The following MAP2 variants were observed in gnomAD, a reference collection of about 807,000 sequenced individuals.
MAP2 encodes the protein microtubule-associated protein 2.
In MAP2, 14 loss-of-function variants were observed where a neutral mutation model predicts 137.6. The observed-to-expected ratio is 0.10, with a 90% confidence interval of 0.07 to 0.16. The LOEUF (loss-of-function observed/expected upper bound fraction) is 0.16, where lower values mean the gene tolerates loss of function less well. MAP2 is among the 10% of genes least tolerant of loss of function. The pLI, the probability that MAP2 is intolerant of heterozygous loss-of-function variation, is 1.00. For missense variants in MAP2, 2,088 were observed against 2,191.5 expected, an observed-to-expected ratio of 0.95 and a Z score of 0.94; for synonymous variants, 786 against 782.3, an observed-to-expected ratio of 1.00 and a Z score of -0.08.
At chr2:209,446,470 A>T (rs2149440723) in intron 1 of MAP2, among the ~76,000 whole-genome samples, 2 of 151,990 alleles carry the variant, frequency 1.3e-5, no homozygotes, top group Non-Finnish European at 1.5e-5. Context: ...ACTGCATTAA[A>T]TTACTTTGGA....
intron 2 of MAP2, among the ~76,000 whole-genome samples, chr2:209,566,499 T>A (rs1403721638): frequency 6.6e-6 from 1 of 152,170 alleles, no homozygotes; most frequent in Non-Finnish European, 1.5e-5. Context: ...AAAATGAAAC[T>A]CTATTTGTTT....
chr2:209,617,791 G>A (rs760529731), intron 3 of MAP2, among the ~76,000 whole-genome samples: 19 of 151,984 alleles, frequency 1.3e-4, no homozygotes, highest in Admixed American at 3.9e-4. Context: ...GGTGGGGGAG[G>A]ATATAATACA....
At chr2:209,574,432 T>TAC (rs57166815) in intron 2 of MAP2, among the ~76,000 whole-genome samples, 2,061 of 148,782 alleles carry the variant, frequency 0.014, 25 homozygotes, top group African/African-American at 0.026. Context: ...ATAGTATAGA[T>TAC]ACACACACAC....
chr2:209,652,494 T>G (rs892798282), intron 4 of MAP2, among the ~76,000 whole-genome samples: 8 of 152,214 alleles, frequency 5.3e-5, no homozygotes, highest in Non-Finnish European at 1.2e-4. Context: ...TTATTATACT[T>G]TAAGTTTTAG....
chr2:209,652,944 C>T (rs2094906267), intron 4 of MAP2, among the ~76,000 whole-genome samples, 198 bp from the exon 5 acceptor site: 1 of 151,970 alleles, frequency 6.6e-6, no homozygotes, highest in South Asian at 2.1e-4. Context: ...TTTAAAAGAA[C>T]TAATATTCCA....
At chr2:209,602,830 A>G (rs1269081573) in intron 3 of MAP2, among the ~76,000 whole-genome samples, 1 of 152,190 alleles carries the variant, frequency 6.6e-6, no homozygotes, top group East Asian at 1.9e-4. Context: ...ATTACACATT[A>G]TAATTCTCTA....
At position 209,693,493 on chromosome 2, in the gene MAP2, G is replaced by C; in HGVS notation, c.1323G>C (p.Glu441Asp). 1 of 1,612,284 alleles carries C rather than the reference G, an allele frequency of 6.2e-7. No individual in the cohort carries two copies. Among genetic ancestry groups the C allele is most frequent in the Non-Finnish European group, 8.5e-7 (1 of 1,179,658 alleles). The change falls in exon 8 of 16, where the codon GAG becomes GAC. Residue 441 changes from glutamate to aspartate, a missense_variant. Coordinates refer to ENST00000682079, the MANE Select transcript of MAP2 (RefSeq NM_001375505.1). ...QEPILTEKETELKLEEKTTIS... is the reference protein window; with the variant it reads ...QEPILTEKETDLKLEEKTTIS... Reference sequence around the variant, plus strand: ...CTATACTTACTGAAAAGGAAACTGAGCTGAAGCTTGAAGAAAAAACCACCA... The same window carrying C: ...CTATACTTACTGAAAAGGAAACTGACCTGAAGCTTGAAGAAAAAACCACCA...
intron 2 of MAP2, among the ~76,000 whole-genome samples, chr2:209,513,312 C>T (rs188381204): frequency 2.7e-4 from 41 of 152,214 alleles, no homozygotes; most frequent in Non-Finnish European, 4.6e-4. Flanking sequence ...TGTTATGCTT[C>T]ATGTTATGAT....
At chr2:209,648,285 G>T (rs2094538227) in intron 4 of MAP2, among the ~76,000 whole-genome samples, 1 of 151,700 alleles carries the variant, frequency 6.6e-6, no homozygotes, top group Non-Finnish European at 1.5e-5. Context: ...TATTTTTCTT[G>T]GGACAGGGTT....
intron 2 of MAP2, among the ~76,000 whole-genome samples, chr2:209,561,016 A>G (rs2071925973): frequency 6.6e-6 from 1 of 152,190 alleles, no homozygotes; most frequent in African/African-American, 2.4e-5. Context: ...CCAGAAAACA[A>G]TAATTCTTTT....
chr2:209,579,078 A>C (rs2075816629), intron 2 of MAP2, among the ~76,000 whole-genome samples: 1 of 152,238 alleles, frequency 6.6e-6, no homozygotes, highest in African/African-American at 2.4e-5. Flanking sequence ...ATAAATAAGC[A>C]ATATGCGATA....
intron 2 of MAP2, among the ~76,000 whole-genome samples, chr2:209,528,915 CACACAT>C (rs1172677950): frequency 3.7e-5 from 5 of 136,004 alleles, no homozygotes; most frequent in African/African-American, 1.4e-4. Context: ...CACATATATA[CACACAT>C]ACATATATAT....
chr2:209,483,954 A>G (rs949631996), intron 1 of MAP2, among the ~76,000 whole-genome samples: 27 of 152,176 alleles, frequency 1.8e-4, no homozygotes, highest in Admixed American at 6.5e-4. Context: ...ATTTTCTGCC[A>G]GTTCCTTTAG....
At chr2:209,696,796 T>G in intron 9 of MAP2, 48 bp downstream of exon 9, 1 of 1,562,508 alleles carries the variant, frequency 6.4e-7, no homozygotes, top group Non-Finnish European at 8.7e-7. Context: ...AGTAATTCAT[T>G]ATTACTTTTT....
intron 1 of MAP2, among the ~76,000 whole-genome samples, chr2:209,479,010 A>C (rs1346828197): frequency 1.3e-5 from 2 of 152,214 alleles, no homozygotes; most frequent in African/African-American, 4.8e-5. Context: ...TTTGTTGAGA[A>C]TCAATTAAGA....
chr2:209,710,426 G>T, intron 13 of MAP2, 172 bp downstream of exon 13: 1 of 617,262 alleles, frequency 1.6e-6, no homozygotes, highest in Non-Finnish European at 2.8e-6. Flanking sequence ...GAAATACAAC[G>T]AAAATCACAT....
At chr2:209,441,814 C>A (rs975484416) in intron 1 of MAP2, among the ~76,000 whole-genome samples, 2 of 151,510 alleles carry the variant, frequency 1.3e-5, no homozygotes, top group African/African-American at 4.8e-5. Flanking sequence ...GAATCCAAAT[C>A]ACAAGATAAC....
At chr2:209,615,507 CA>C (rs2088919748) in intron 3 of MAP2, among the ~76,000 whole-genome samples, 1 of 152,178 alleles carries the variant, frequency 6.6e-6, no homozygotes, top group Non-Finnish European at 1.5e-5. Context: ...AAGAAAATAT[CA>C]TTTAAAGACT....
chr2:209,568,402 A>G (rs1182038552), intron 2 of MAP2, among the ~76,000 whole-genome samples: 1 of 151,958 alleles, frequency 6.6e-6, no homozygotes, highest in Non-Finnish European at 1.5e-5. Flanking sequence ...TACTGAAAAT[A>G]AAAGCTATAG....
Sources: gnomAD v4.1 joint callset for allele counts (sites outside exome capture counted in the v4.1 genomes callset) on GRCh38, gnomAD v4.1.1 for gene constraint, MANE v1.5 for transcripts, NCBI Gene and HGNC (gene_info 2026-07-23, HGNC 2026-07-21) for gene names.